Variants in PSAP observed in about 807,000 individuals in gnomAD.
PSAP encodes precursor of saposins.
In PSAP, 25 loss-of-function variants were observed where a neutral mutation model predicts 66.0. The observed-to-expected ratio is 0.38, with a 90% CI of 0.28 to 0.53. The LOEUF (loss-of-function observed/expected upper bound fraction) is 0.53. PSAP is among the 20% of genes least tolerant of loss of function. The pLI is 0.83. For missense variants in PSAP, 649 were observed against 668.8 expected (o/e 0.97, Z 0.33); for synonymous variants, 273 against 258.9 (o/e 1.05, Z -0.52).
At chr10:71,845,633 G>GCTTC (rs1842808396) in intron 1 of PSAP, among the ~76,000 whole-genome samples, 1 of 152,144 alleles carries the variant, frequency 6.6e-6, no homozygotes, top group Non-Finnish European at 1.5e-5. Context: ...GACTGACCTG[G>GCTTC]CTTCCCACGT....
intron 8 of PSAP, 56 bp from the exon 9 acceptor site, chr10:71,820,391 C>A (rs1266396836): frequency 2.1e-6 from 3 of 1,461,236 alleles, no homozygotes; most frequent in South Asian, 2.3e-5. Context: ...AGCCCTTGGT[C>A]TTGCTCCCCT....
chr10:71,820,441 T>A, intron 8 of PSAP, 106 bp from the exon 9 acceptor site: 3 of 879,178 alleles, frequency 3.4e-6, no homozygotes, highest in Non-Finnish European at 3.9e-6. Flanking sequence ...GGTTAGCACA[T>A]CAAGGGCCAC....
At chr10:71,832,666 GA>G (rs766511773) in intron 2 of PSAP, among the ~76,000 whole-genome samples, 1 of 152,104 alleles carries the variant, frequency 6.6e-6, no homozygotes, top group South Asian at 2.1e-4. Context: ...CAAACCCCAG[GA>G]TGCTCAAGTT....
In PSAP at chr10:71,816,581, G is replaced by A. The variant is rs1294284559; in HGVS notation, c.*860C>T. On this transcript the variant is annotated 3_prime_UTR_variant, in exon 14 of 14. Coordinates refer to ENST00000394936, the MANE Select transcript of PSAP (RefSeq NM_002778.4). The stretch of plus-strand genomic sequence containing the variant: ...CCATATTTATTTGAAAAGGTCAAAA[G>A]GAGCATCTATGAGACAAGGGAGGGG... The A allele has an allele frequency of 2.3e-6, 1 of 431,048 alleles. No homozygotes were observed. Among genetic ancestry groups the A allele is most frequent in the African/African-American group, 2.1e-5 (1 of 48,730 alleles). 26.7% of individuals were successfully genotyped at this position (431,048 alleles called of 1,614,324 possible). A position where few individuals can be genotyped will look rare whatever the true frequency, so the allele number is the denominator to read the frequency against.
intron 1 of PSAP, among the ~76,000 whole-genome samples, chr10:71,847,737 T>G (rs1272020554): frequency 6.6e-6 from 1 of 152,138 alleles, no homozygotes; most frequent in East Asian, 1.9e-4. Flanking sequence ...CCTTCTTTCT[T>G]CAGGAATTAT....
At chr10:71,851,059 T>C (rs948212393) in intron 1 of PSAP, 123 bp downstream of exon 1, 3 of 1,178,442 alleles carry the variant, frequency 2.5e-6, no homozygotes, top group Non-Finnish European at 3.7e-6. Flanking sequence ...GCCTGCGCAG[T>C]GCGCGCGCCC....
chr10:71,818,801 C>T, intron 12 of PSAP, 77 bp from the exon 13 acceptor site: 2 of 1,308,518 alleles, frequency 1.5e-6, no homozygotes, highest in South Asian at 1.2e-5. Flanking sequence ...ACTAAGAAAA[C>T]AGTTTCCAGA....
Position 71,821,949 on chromosome 10 carries a change from A to G in PSAP, c.836T>C (p.Met279Thr), listed in dbSNP as rs1386800503. ...GFCDEVKEMP[M>T]QTLVPAKVAS... ...CACTTTGGCGGGGACCAGAGTCTGC[A>G]TGGGCATCTCTTTCACCTCATCACA... Residue 279 changes from methionine to threonine, a missense_variant, in exon 8 of 14, where the codon ATG becomes ACG. By Grantham distance (81) the Met-to-Thr change is moderately conservative. Coordinates refer to ENST00000394936, the MANE Select transcript of PSAP (RefSeq NM_002778.4). The G allele has an allele frequency of 1.2e-6, 2 of 1,614,198 alleles. No individual in the cohort carries two copies. Among genetic ancestry groups the G allele is most frequent in the South Asian group, 2.2e-5 (2 of 91,088 alleles).
rs1842183176 is a variant in PSAP at position 71,817,156 on chromosome 10, T to C, written c.*285A>G. The C allele has an allele frequency of 1.9e-6, 1 of 522,828 alleles. No individual in the cohort carries two copies. Among genetic ancestry groups the C allele is most frequent in the South Asian group, 2.1e-5 (1 of 48,568 alleles). The allele number at this position is 522,828 out of a possible 1,614,324, so 32.4% of individuals were successfully genotyped here. A position where few individuals can be genotyped will look rare whatever the true frequency, so the allele number is the denominator to read the frequency against. On this transcript the variant is annotated 3_prime_UTR_variant, in exon 14 of 14. Transcript: ENST00000394936. ...AAACTGTGGCTCATGCCAGCAGAGC[T>C]CTCTCCTCCTCCAGCAGGCGCCATG...
chr10:71,820,103 G>C (rs1842268500), intron 9 of PSAP, 137 bp downstream of exon 9: 1 of 938,336 alleles, frequency 1.1e-6, no homozygotes, highest in Admixed American at 1.9e-5. Context: ...GGTGAGGATT[G>C]CCTTCCACGA....
At chr10:71,847,536 G>C (rs867861265) in intron 1 of PSAP, among the ~76,000 whole-genome samples, 1 of 151,812 alleles carries the variant, frequency 6.6e-6, no homozygotes, top group African/African-American at 2.4e-5. Context: ...GACAGAGCAA[G>C]ACTCCCATCT....
chr10:71,836,313 A>G (rs2133055931), intron 1 of PSAP, among the ~76,000 whole-genome samples: 1 of 152,262 alleles, frequency 6.6e-6, no homozygotes, highest in South Asian at 2.1e-4. Context: ...CAGTGTAGCC[A>G]AGCATGGCTG....
rs559174945 is a variant in PSAP at position 71,823,844 on chromosome 10, G to C, written c.778-1837C>G. On this transcript the variant is annotated intron_variant, in intron 7 of 13. Coordinates refer to ENST00000394936, the MANE Select transcript of PSAP (RefSeq NM_002778.4). ...AAAAAAAAAAAGCAAAGTAACTAGA[G>C]GAAGCAGCAGACCACTACTGCAAGC... 71 of 1,265,128 alleles carry C rather than the reference G, an allele frequency of 5.6e-5. No homozygotes were observed. In the South Asian group the frequency reaches 8.8e-4, roughly 16 times the overall value. The allele number at this position is 1,265,128 out of a possible 1,614,324, so 78.4% of individuals were successfully genotyped here. A position where few individuals can be genotyped will look rare whatever the true frequency, so the allele number is the denominator to read the frequency against.
At chr10:71,840,304 G>C (rs1842711966) in intron 1 of PSAP, among the ~76,000 whole-genome samples, 1 of 152,192 alleles carries the variant, frequency 6.6e-6, no homozygotes, top group Admixed American at 6.5e-5. Flanking sequence ...CAACAGGCAG[G>C]TTGCTAGGAA....
intron 1 of PSAP, among the ~76,000 whole-genome samples, chr10:71,835,386 C>T (rs1011517958): frequency 6.6e-6 from 1 of 151,962 alleles, no homozygotes; most frequent in African/African-American, 2.4e-5. Flanking sequence ...TCGAGACCAG[C>T]CTGGGCAACA....
chr10:71,823,596 G>A (rs1842345694), intron 7 of PSAP, among the ~76,000 whole-genome samples: 1 of 152,182 alleles, frequency 6.6e-6, no homozygotes, highest in Non-Finnish European at 1.5e-5. Context: ...TTGTCACACT[G>A]GTGGCCTGCA....
At chr10:71,829,385 T>C (rs1265652654) in intron 4 of PSAP, among the ~76,000 whole-genome samples, 4 of 152,148 alleles carry the variant, frequency 2.6e-5, no homozygotes, top group Non-Finnish European at 1.5e-5. Context: ...GTGAGGGACC[T>C]AGTGGGAGGT....
intron 4 of PSAP, 33 bp downstream of exon 4, chr10:71,831,093 C>T (rs769352666): frequency 1.9e-6 from 3 of 1,613,042 alleles, no homozygotes; most frequent in South Asian, 1.1e-5. Context: ...CCCAGAAGCA[C>T]CTTCAAGGAA....
intron 1 of PSAP, among the ~76,000 whole-genome samples, chr10:71,841,148 C>T (rs1842726892): frequency 6.6e-6 from 1 of 152,222 alleles, no homozygotes; most frequent in South Asian, 2.1e-4. Flanking sequence ...CATGGCTCCC[C>T]ATCCTCGAGA....
Sources: gnomAD v4.1 joint callset for allele counts (sites outside exome capture counted in the v4.1 genomes callset) on GRCh38, gnomAD v4.1.1 for gene constraint, MANE v1.5 for transcripts, NCBI Gene and HGNC (gene_info 2026-07-23, HGNC 2026-07-21) for gene names.